The following ACAN variants were observed in gnomAD, a reference collection of about 807,000 sequenced individuals.
The protein encoded by ACAN is aggrecan.
Under a neutral mutation model 169.1 loss-of-function variants are expected in ACAN, and 47 were observed. The observed-to-expected ratio is 0.28, with a 90% confidence interval of 0.22 to 0.35. The LOEUF is 0.35. Among genes scored for constraint, ACAN ranks in the 10% least tolerant of loss-of-function variants. ACAN has a pLI of 1.00. For missense variants in ACAN, 2,716 were observed against 2,759.9 expected (o/e 0.98, Z 0.36); for synonymous variants, 1,115 against 1,112.2 (o/e 1.00, Z -0.05).
intron 1 of ACAN, among the ~76,000 whole-genome samples, chr15:88,804,885 A>G (rs551682395): frequency 6.6e-6 from 1 of 152,074 alleles, no homozygotes; most frequent in Non-Finnish European, 1.5e-5. Context: ...ACAAAGCTGA[A>G]TTGGGTTAGC....
At chr15:88,832,860 A>G (rs938500247) in intron 1 of ACAN, among the ~76,000 whole-genome samples, 1 of 152,220 alleles carries the variant, frequency 6.6e-6, no homozygotes, top group African/African-American at 2.4e-5. Context: ...GAGGAAAGTT[A>G]CACTGATGGA....
chr15:88,836,139 C>T, intron 1 of ACAN, 61 bp from the exon 2 acceptor site: 4 of 1,219,234 alleles, frequency 3.3e-6, no homozygotes, highest in East Asian at 2.3e-5. Flanking sequence ...TGTCACATGA[C>T]TCTGCTTGAC....
At position 88,849,002 on chromosome 15, in the gene ACAN, G is replaced by A. The variant is rs1340295903; in HGVS notation, c.1733-436G>A. On this transcript the variant is annotated intron_variant, in intron 9 of 18. Transcript: ENST00000560601. The surrounding 1 kb of genome is among the most constrained non-coding windows in gnomAD (Gnocchi z 5.1). Reference sequence around the variant, plus strand: ...CCTGGATGAGTTCCCAGGGTGTGGGGTGAGCACGTCCACAGCAGTCACAGT... The same window carrying A: ...CCTGGATGAGTTCCCAGGGTGTGGGATGAGCACGTCCACAGCAGTCACAGT... Among the ~76,000 whole-genome samples, 1 of 152,220 alleles carries A rather than the reference G, an allele frequency of 6.6e-6. No homozygotes were observed.
At chr15:88,828,819 C>T (rs1896290141) in intron 1 of ACAN, among the ~76,000 whole-genome samples, 1 of 152,118 alleles carries the variant, frequency 6.6e-6, no homozygotes, top group African/African-American at 2.4e-5. Context: ...TCCGAGGCTC[C>T]GGGTCAGGCA....
intron 5 of ACAN, among the ~76,000 whole-genome samples, chr15:88,842,179 A>G (rs1896678279): frequency 1.3e-5 from 2 of 152,204 alleles, no homozygotes; most frequent in South Asian, 4.1e-4. Flanking sequence ...GGCTGCTGTG[A>G]CAAGCACATC....
At position 88,838,095 on chromosome 15, in the gene ACAN, T is replaced by C. The variant is rs1163348695; in HGVS notation, c.71-568T>C. Among the ~76,000 whole-genome samples, 1 of 152,062 alleles carries C rather than the reference T, an allele frequency of 6.6e-6. No individual in the cohort carries two copies. Among genetic ancestry groups the C allele is most frequent in the Admixed American group, 6.6e-5 (1 of 15,262 alleles). On this transcript the variant is annotated intron_variant, in intron 2 of 18. Transcript: ENST00000560601. The surrounding 1 kb of genome is among the most constrained non-coding windows in gnomAD (Gnocchi z 5.1). Reference sequence around the variant, plus strand: ...CACCAAAAGGTCTGATCTTCTCGGATGCTTCTCCACCTGAGTCCCCTGACT... The same window carrying C: ...CACCAAAAGGTCTGATCTTCTCGGACGCTTCTCCACCTGAGTCCCCTGACT...
chr15:88,852,066 G>A lies in ACAN; in HGVS notation c.2266+33G>A, dbSNP rs759435155. ...TGGCTTGGGTTCTGGGGCACACCCT[G>A]AAGCTGCATACCCCTGTCTTCCTAC... On this transcript the variant is annotated intron_variant, in intron 11 of 18. Coordinates refer to ENST00000560601, the MANE Select transcript of ACAN (RefSeq NM_001369268.1). 7 of 1,564,448 alleles carry A rather than the reference G, an allele frequency of 4.5e-6. No individual in the cohort carries two copies. The Admixed American group carries it at 7.6e-5, about 17-fold the overall frequency.
chr15:88,871,089 C>T lies in ACAN; in HGVS notation c.7061-293C>T, dbSNP rs923551056. On this transcript the variant is annotated intron_variant, in intron 14 of 18. Coordinates refer to ENST00000560601, the MANE Select transcript of ACAN (RefSeq NM_001369268.1). This position sits in a 1 kb window ranked among gnomAD's most constrained non-coding sequence, Gnocchi z 7.8. ...GAACTGGACTGCTGACCTCTGCCGG[C>T]CCAGCAGAGCAGGCATCAAGAGGAG... is the stretch of plus-strand genomic sequence containing the variant. Among the ~76,000 whole-genome samples the T allele has an allele frequency of 6.6e-6, 1 of 152,192 alleles. No individual in the cohort carries two copies. The highest frequency in any genetic ancestry group is 1.5e-5 in the Non-Finnish European group (1 of 68,044).
intron 12 of ACAN, among the ~76,000 whole-genome samples, chr15:88,860,092 T>TTTTTTTTTG (rs1405751460): frequency 6.7e-6 from 1 of 148,662 alleles, no homozygotes; most frequent in African/African-American, 2.5e-5. Flanking sequence ...TTTTTTTTTT[T>TTTTTTTTTG]TGCTCTGGGG....
chr15:88,873,913 A>C lies in ACAN; in HGVS notation c.7519A>C (p.Asn2507His). ...GCAGAAGAAGGACCGGTATGAGATCAATTCCCTGGTGCGGTACCAGTGCAC... is the reference window on the plus strand; with the variant it reads ...GCAGAAGAAGGACCGGTATGAGATCCATTCCCTGGTGCGGTACCAGTGCAC... ...FGQKKDRYEI[N>H]SLVRYQCTEG... The change falls in exon 18 of 19, where the codon AAT (asparagine) becomes CAT (histidine). Residue 2507 changes from asparagine to histidine, a missense_variant. Physicochemically the swap from Asn to His is moderately conservative, Grantham distance 68 (BLOSUM62 1). This residue lies in a region of ACAN where 1,389 missense variants were observed against 1,363.7 expected (regional missense o/e 1.02). Coordinates refer to ENST00000560601, the MANE Select transcript of ACAN (RefSeq NM_001369268.1). This position sits in a 1 kb window ranked among gnomAD's most constrained non-coding sequence, Gnocchi z 7.5. 6.2e-7 allele frequency: 1 copy of C among 1,613,828 alleles called. No homozygotes were observed. Among genetic ancestry groups the C allele is most frequent in the Non-Finnish European group, 8.5e-7 (1 of 1,179,890 alleles).
intron 12 of ACAN, 114 bp from the exon 13 acceptor site, chr15:88,860,212 C>G: frequency 1.5e-6 from 1 of 689,360 alleles, no homozygotes; most frequent in Non-Finnish European, 2.4e-6. Flanking sequence ...AGTGCTGACC[C>G]AAAGCCAGCC....
intron 1 of ACAN, among the ~76,000 whole-genome samples, chr15:88,834,282 G>T (rs1208275779): frequency 6.6e-6 from 1 of 152,158 alleles, no homozygotes; most frequent in African/African-American, 2.4e-5. Flanking sequence ...TTCATTTCTG[G>T]GGTGACTCGT....
At position 88,868,621 on chromosome 15, in the gene ACAN, C is replaced by T. The variant is rs552199509; in HGVS notation, c.7060+292C>T. ...TGGTGTATGGTTCAGACTAAGAGGA[C>T]AGGGCTGATTCTGAGCACTTGTCTT... On this transcript the variant is annotated intron_variant, in intron 14 of 18. Coordinates refer to ENST00000560601, the MANE Select transcript of ACAN (RefSeq NM_001369268.1). This position sits in a 1 kb window ranked among gnomAD's most constrained non-coding sequence, Gnocchi z 5.2. Among the ~76,000 whole-genome samples the T allele has an allele frequency of 2.6e-5, 4 of 152,214 alleles. No homozygotes were observed. Among genetic ancestry groups the T allele is most frequent in the Non-Finnish European group, 4.4e-5 (3 of 68,042 alleles).
chr15:88,874,467 A>C lies in ACAN; in HGVS notation c.7693A>C (p.Ser2565Arg). The change falls in exon 19 of 19, where the codon AGC (serine) becomes CGC (arginine). Residue 2565 changes from serine (S) to arginine (R), a missense_variant. Around this residue, in one of 3 missense-constraint regions of ACAN, gnomAD observed 1,389 missense variants for 1,363.7 expected, o/e 1.02. Coordinates refer to ENST00000560601, the MANE Select transcript of ACAN (RefSeq NM_001369268.1). The surrounding 1 kb of genome is among the most constrained non-coding windows in gnomAD (Gnocchi z 7.3). ...ACGGCACCCTCGGAGGAGCCGCCCC[A>C]GCACAGCCCACTGAGAAGAGCTTCC... is the stretch of plus-strand genomic sequence containing the variant. Reference protein sequence around the residue: ...SSRHPRRSRPSTAH With the variant: ...SSRHPRRSRPRTAH The C allele has an allele frequency of 6.2e-7, 1 of 1,603,608 alleles. No individual in the cohort carries two copies. The highest frequency in any genetic ancestry group is 8.5e-7 in the Non-Finnish European group (1 of 1,175,482).
In ACAN at chr15:88,871,679, A is replaced by C. The variant is rs1897383716; in HGVS notation, c.7219+139A>C. The C allele has an allele frequency of 1.6e-6, 2 of 1,229,390 alleles. No individual in the cohort carries two copies. The highest frequency in any genetic ancestry group is 2.2e-6 in the Non-Finnish European group (2 of 902,278). 76.2% of individuals were successfully genotyped at this position (1,229,390 alleles called of 1,614,324 possible). ...GGGGGAGGGGGAACAGTGTTCCCAC[A>C]GTCTGAGCTCCCAGAGAGAAGACAA... is the stretch of plus-strand genomic sequence containing the variant. On this transcript the variant is annotated intron_variant, in intron 15 of 18. Coordinates refer to ENST00000560601, the MANE Select transcript of ACAN (RefSeq NM_001369268.1). The surrounding 1 kb of genome is among the most constrained non-coding windows in gnomAD (Gnocchi z 7.8).
rs1895706887 is a variant in ACAN, at chr15:88,807,305, A to G, written c.-8+3496A>G. Reference sequence around the variant, plus strand: ...GCCAGCAGCTGCCCTGGGAAAGGGGATCAGGAGCACATCTTGGGAACAGGA... The same window carrying G: ...GCCAGCAGCTGCCCTGGGAAAGGGGGTCAGGAGCACATCTTGGGAACAGGA... On this transcript the variant is annotated intron_variant, in intron 1 of 18. Transcript: ENST00000560601. This position sits in a 1 kb window ranked among gnomAD's most constrained non-coding sequence, Gnocchi z 4.0. Among the ~76,000 whole-genome samples, 1 of 152,188 alleles carries G rather than the reference A, an allele frequency of 6.6e-6. No homozygotes were observed. The highest frequency in any genetic ancestry group is 2.4e-5 in the African/African-American group (1 of 41,444).
At position 88,872,004 on chromosome 15, in the gene ACAN, C is replaced by A; in HGVS notation, c.7221C>A (p.Asn2407Lys). Reference protein sequence around the residue: ...VTPEEQEFVNNNAQDYQWIGL... With the variant: ...VTPEEQEFVNKNAQDYQWIGL... ...CTGACACCCTCACCCTTTCCCCAGA[C>A]AATGCCCAAGACTACCAGTGGATCG... is the stretch of plus-strand genomic sequence containing the variant. Residue 2407 changes from asparagine (N) to lysine (K), a missense_variant and splice_region_variant, in exon 16 of 19, where the codon AAC becomes AAA. Physicochemically the swap from Asn to Lys is moderately conservative, Grantham distance 94 (BLOSUM62 0). Coordinates refer to ENST00000560601, the MANE Select transcript of ACAN (RefSeq NM_001369268.1). The surrounding 1 kb of genome is among the most constrained non-coding windows in gnomAD (Gnocchi z 5.4). 6.2e-7 allele frequency: 1 copy of A among 1,613,856 alleles called. No homozygotes were observed. The highest frequency in any genetic ancestry group is 8.5e-7 in the Non-Finnish European group (1 of 1,179,778).
chr15:88,836,387 C>T (rs909004295), intron 2 of ACAN, 111 bp downstream of exon 2: 6 of 1,013,636 alleles, frequency 5.9e-6, no homozygotes, highest in Non-Finnish European at 9.1e-6. Context: ...TTTCCCCTTT[C>T]CTGGACTTTT....
rs974252288 is a variant in ACAN, at chr15:88,873,843, G to A, written c.7449G>A (p.Val2483=). The change falls in exon 18 of 19, where the codon GTG becomes GTA. Residue 2483 remains valine, a splice_region_variant and synonymous_variant. Coordinates refer to ENST00000560601, the MANE Select transcript of ACAN (RefSeq NM_001369268.1). The surrounding 1 kb of genome is among the most constrained non-coding windows in gnomAD (Gnocchi z 7.5). ...HLPFTCKKGT[V]ACGEPPVVEH... ...TTATAAAGGGTGTTTGCCCCTCAGT[G>A]GCCTGCGGAGAGCCCCCTGTGGTGG... The A allele has an allele frequency of 3.1e-6, 5 of 1,613,690 alleles. No individual in the cohort carries two copies. Among genetic ancestry groups the A allele is most frequent in the Non-Finnish European group, 3.4e-6 (4 of 1,179,852 alleles).
Sources: allele counts gnomAD v4.1 joint callset (sites outside exome capture counted in the v4.1 genomes callset), GRCh38; gene constraint gnomAD v4.1.1; regional missense constraint gnomAD v4.1.1; non-coding constraint Gnocchi (gnomAD v3.1); transcripts MANE v1.5; gene names NCBI Gene and HGNC (gene_info 2026-07-23, HGNC 2026-07-21).